EPB41L4B: variants seen among roughly 807,000 people sequenced by gnomAD.
EPB41L4B encodes the protein band 4.1-like protein 4B.
In EPB41L4B, 30 loss-of-function variants were observed where a neutral mutation model predicts 112.5. That is an observed-to-expected ratio of 0.27 (90% confidence interval 0.20 to 0.36). EPB41L4B has a LOEUF of 0.36. Among genes scored for constraint, EPB41L4B ranks in the 10% least tolerant of loss-of-function variants. The pLI, the probability that EPB41L4B is intolerant of heterozygous loss-of-function variation, is 1.00. For missense variants in EPB41L4B, 1,024 were observed against 1,133.3 expected (o/e 0.90, Z 1.38); for synonymous variants, 408 against 439.7 (o/e 0.93, Z 0.90).
At chr9:109,274,842 G>C (rs76201143) in intron 2 of EPB41L4B, among the ~76,000 whole-genome samples, 2,523 of 152,320 alleles carry the variant, frequency 0.017, 70 homozygotes, top group African/African-American at 0.058. Flanking sequence ...CTACTTTATA[G>C]ATCAGTGATG....
At chr9:109,196,327 A>T (rs1042667603) in intron 20 of EPB41L4B, 8 of 151,978 alleles carry the variant, frequency 5.3e-5, no homozygotes, top group African/African-American at 1.9e-4. Flanking sequence ...TTTTTTTTAG[A>T]CTTTTACACT....
intron 15 of EPB41L4B, among the ~76,000 whole-genome samples, chr9:109,226,615 T>TATATATATATATATGAAGA (rs1191006329): frequency 9.7e-6 from 1 of 102,622 alleles, no homozygotes; most frequent in Admixed American, 1.2e-4. Flanking sequence ...TTCATATATA[T>TATATATATATATATGAAGA]ATATATATAT....
At chr9:109,213,668 C>T (rs771729383) in intron 17 of EPB41L4B, 32 bp downstream of exon 17, 3 of 1,582,862 alleles carry the variant, frequency 1.9e-6, no homozygotes, top group Middle Eastern at 2.0e-4. Flanking sequence ...GCACCAAGTC[C>T]ATGGTCATGG....
At chr9:109,256,948 TCAACAA>T (rs529918545) in intron 7 of EPB41L4B, among the ~76,000 whole-genome samples, 137 of 152,214 alleles carry the variant, frequency 9.0e-4, no homozygotes, top group African/African-American at 3.0e-3. Context: ...AAACTCCATC[TCAACAA>T]CAACAACAAC....
At chr9:109,279,539 T>C (rs1472782319) in intron 2 of EPB41L4B, among the ~76,000 whole-genome samples, 2 of 152,200 alleles carry the variant, frequency 1.3e-5, no homozygotes, top group Non-Finnish European at 2.9e-5. Context: ...TATAATGATG[T>C]TTCTTCTTTC....
intron 2 of EPB41L4B, among the ~76,000 whole-genome samples, chr9:109,270,869 G>A (rs897908180): frequency 3.9e-5 from 6 of 152,230 alleles, no homozygotes; most frequent in South Asian, 2.1e-4. Flanking sequence ...GAGGAACTTC[G>A]AAAAAGTCAA....
intron 15 of EPB41L4B, among the ~76,000 whole-genome samples, chr9:109,235,170 G>C (rs930311031): frequency 1.3e-5 from 2 of 151,984 alleles, no homozygotes; most frequent in Non-Finnish European, 2.9e-5. Flanking sequence ...TAGTATTCTC[G>C]GACAGAAATA....
intron 24 of EPB41L4B, among the ~76,000 whole-genome samples, chr9:109,178,902 T>TAAAAAAAAAAAAAAAAAAAA: frequency 9.5e-6 from 1 of 105,130 alleles, no homozygotes; most frequent in Non-Finnish European, 1.8e-5. Context: ...ATACTTCAAG[T>TAAAAAAAAAAAAAAAAAAAA]AAAAAAAAAA....
intron 22 of EPB41L4B, among the ~76,000 whole-genome samples, chr9:109,191,757 C>T (rs777085308): frequency 6.6e-6 from 1 of 152,160 alleles, no homozygotes; most frequent in Non-Finnish European, 1.5e-5. Flanking sequence ...CCCACCAGGC[C>T]CTTTACTTGT....
rs376506428 is a variant in EPB41L4B at position 109,228,540 on chromosome 9, C to T, written c.1410-11395G>A. On this transcript the variant is annotated intron_variant, in intron 15 of 25. Transcript: ENST00000374566. Reference sequence around the variant, plus strand: ...TAATCAAAAAGCAGTAAAATATTTCCTGACTACTCTTTCTCTTATCTTGGA... The same window carrying T: ...TAATCAAAAAGCAGTAAAATATTTCTTGACTACTCTTTCTCTTATCTTGGA... 5.9e-5 allele frequency among the ~76,000 whole-genome samples: 9 copies of T among 152,308 alleles called. No individual in the cohort carries two copies. The East Asian group carries it at 9.6e-4, about 16-fold the overall frequency.
intron 6 of EPB41L4B, among the ~76,000 whole-genome samples, chr9:109,260,817 G>A (rs1440848289): frequency 5.9e-5 from 9 of 152,166 alleles, no homozygotes; most frequent in Admixed American, 5.2e-4. Flanking sequence ...GTCTGTCTCG[G>A]CTCTGGGGCA....
At chr9:109,249,196 A>G (rs140650842) in intron 13 of EPB41L4B, among the ~76,000 whole-genome samples, 1 of 152,174 alleles carries the variant, frequency 6.6e-6, no homozygotes, top group East Asian at 1.9e-4. Context: ...GATCATTGTT[A>G]TAAGTCTTGC....
At chr9:109,176,456 A>T in intron 25 of EPB41L4B, 95 bp downstream of exon 25, 2 of 1,323,164 alleles carry the variant, frequency 1.5e-6, no homozygotes, top group Non-Finnish European at 2.0e-6. Context: ...AGAATGTAGG[A>T]AAGGCCTGTA....
chr9:109,233,814 G>A (rs1169091824), intron 15 of EPB41L4B, among the ~76,000 whole-genome samples: 3 of 152,144 alleles, frequency 2.0e-5, no homozygotes, highest in Non-Finnish European at 4.4e-5. Flanking sequence ...TTACAGGCAT[G>A]AGCCACCACG....
intron 15 of EPB41L4B, among the ~76,000 whole-genome samples, chr9:109,221,242 G>T (rs756804372): frequency 1.3e-5 from 2 of 152,116 alleles, no homozygotes; most frequent in Non-Finnish European, 2.9e-5. Flanking sequence ...GGGAGGGAGG[G>T]GGAGGAAGGA....
chr9:109,237,539 G>A (rs547109542), intron 15 of EPB41L4B, among the ~76,000 whole-genome samples: 69 of 152,280 alleles, frequency 4.5e-4, no homozygotes, highest in Middle Eastern at 3.4e-3. Flanking sequence ...AGAGTGGACC[G>A]TCTCAAATAA....
chr9:109,247,513 T>G (rs559143989), intron 14 of EPB41L4B, among the ~76,000 whole-genome samples: 1 of 152,134 alleles, frequency 6.6e-6, no homozygotes, highest in East Asian at 1.9e-4. Flanking sequence ...TGCTTGCCAG[T>G]TGACAAGGTT....
At position 109,312,474 on chromosome 9, in the gene EPB41L4B, T is replaced by C. The variant is rs1028326390; in HGVS notation, c.306+7667A>G. 3.6e-4 allele frequency among the ~76,000 whole-genome samples: 55 copies of C among 152,144 alleles called. 1 individual carries two copies. The highest frequency in any genetic ancestry group is 3.2e-3 in the Admixed American group (49 of 15,288). ...CCCTTTGGGGGCTCAGGGGTCGCCATCCAGCTCGGAACCTCTGGGGCAAGC... is the reference window on the plus strand; with the variant it reads ...CCCTTTGGGGGCTCAGGGGTCGCCACCCAGCTCGGAACCTCTGGGGCAAGC... On this transcript the variant is annotated intron_variant, in intron 1 of 25. Coordinates refer to ENST00000374566, the MANE Select transcript of EPB41L4B (RefSeq NM_019114.5).
At chr9:109,272,067 ACT>A (rs2119101281) in intron 2 of EPB41L4B, among the ~76,000 whole-genome samples, 1 of 152,090 alleles carries the variant, frequency 6.6e-6, no homozygotes, top group African/African-American at 2.4e-5. Context: ...GCATCTAACA[ACT>A]CTCTGCTGGA....
Sources: gnomAD v4.1 joint callset for allele counts (sites outside exome capture counted in the v4.1 genomes callset) on GRCh38, gnomAD v4.1.1 for gene constraint, MANE v1.5 for transcripts, NCBI Gene and HGNC (gene_info 2026-07-23, HGNC 2026-07-21) for gene names.